The following SLC9A2 variants were observed in gnomAD, a reference collection of about 807,000 sequenced individuals.
SLC9A2 encodes the protein sodium/hydrogen exchanger 2.
In SLC9A2, 42 loss-of-function variants were observed where a neutral mutation model predicts 71.7. The observed-to-expected ratio is 0.59, with a 90% CI of 0.46 to 0.76. The LOEUF (loss-of-function observed/expected upper bound fraction) is 0.76, where lower values mean the gene tolerates loss of function less well. Ranked by LOEUF, SLC9A2 falls within the 30% of genes least tolerant of loss-of-function variation. SLC9A2 has a pLI of 0.00. For synonymous variants in SLC9A2, 396 were observed against 392.5 expected, an observed-to-expected ratio of 1.01 and a Z score of -0.10; for missense variants, 829 against 1,017.4, an observed-to-expected ratio of 0.81 and a Z score of 2.52.
At position 102,710,633 on chromosome 2, in the gene SLC9A2, C is replaced by T. The variant is rs1573440685; in HGVS notation, c.*2144C>T. The T allele has an allele frequency of 6.8e-6, 1 of 147,098 alleles. No homozygotes were observed. The highest frequency in any genetic ancestry group is 1.5e-5 in the Non-Finnish European group (1 of 67,914). 9.1% of individuals were successfully genotyped at this position (147,098 alleles called of 1,614,324 possible). A position where few individuals can be genotyped will look rare whatever the true frequency, so the allele number is the denominator to read the frequency against. ...TAAATTTTTTTTGTTTGTTGAATGA[C>T]AAAGGCAATAAAAATAAATTTGACT... On this transcript the variant is annotated 3_prime_UTR_variant, in exon 12 of 12. Coordinates refer to ENST00000233969, the MANE Select transcript of SLC9A2 (RefSeq NM_003048.6).
rs763991141 is a variant in SLC9A2, at chr2:102,708,289, C to A, written c.2239C>A (p.Pro747Thr). 5 of 1,614,022 alleles carry A rather than the reference C, an allele frequency of 3.1e-6. No individual in the cohort carries two copies. Among genetic ancestry groups the A allele is most frequent in the African/African-American group, 1.3e-5 (1 of 74,896 alleles). The change falls in exon 12 of 12, where the codon CCC becomes ACC. Residue 747 changes from proline (P) to threonine (T), a missense_variant. This residue lies in a region of SLC9A2 where 223 missense variants were observed against 197.5 expected (regional missense o/e 1.13). Coordinates refer to ENST00000233969, the MANE Select transcript of SLC9A2 (RefSeq NM_003048.6). ...VDSGRDMPST[P>T]PTPHSREKGT... The stretch of plus-strand genomic sequence containing the variant: ...TTCTGGCCGAGATATGCCCAGCACC[C>A]CCCCAACACCCCACAGCAGAGAAAA...
rs149530548 is a variant in SLC9A2 at position 102,684,330 on chromosome 2, C to G, written c.1419C>G (p.Phe473Leu). 3 of 1,613,430 alleles carry G rather than the reference C, an allele frequency of 1.9e-6. No individual in the cohort carries two copies. Among genetic ancestry groups the G allele is most frequent in the Non-Finnish European group, 2.5e-6 (3 of 1,179,476 alleles). Residue 473 changes from phenylalanine (F) to leucine (L), a missense_variant, in exon 5 of 12, where the codon TTC becomes TTG. This residue lies in a region of SLC9A2 where 500 missense variants were observed against 726.3 expected (regional missense o/e 0.69). Coordinates refer to ENST00000233969, the MANE Select transcript of SLC9A2 (RefSeq NM_003048.6). ...TTGTTGTCATATTCTTTACTGTCTTCATTCTGGTAAGTAGAGTGATCCCTT... is the reference window on the plus strand; with the variant it reads ...TTGTTGTCATATTCTTTACTGTCTTGATTCTGGTAAGTAGAGTGATCCCTT... ...AAIVVIFFTV[F>L]ILGITIRPLV... is the part of the protein sequence containing the mutation.
intron 5 of SLC9A2, 108 bp downstream of exon 5, chr2:102,684,444 A>C: frequency 2.0e-6 from 2 of 980,116 alleles, no homozygotes; most frequent in Non-Finnish European, 3.2e-6. Flanking sequence ...TTTGGTAGTT[A>C]ATTACTAGGG....
At position 102,708,424 on chromosome 2, in the gene SLC9A2, C is replaced by A. The variant is rs774494897; in HGVS notation, c.2374C>A (p.Arg792=). The change falls in exon 12 of 12, where the codon CGG becomes AGG. Residue 792 remains arginine (R), a synonymous_variant. Transcript: ENST00000233969. ...AGGCATCCCGCCCAAGCCGCCACCA[C>A]GGCTGGTCTGGAGGGCATCGGAACC... is the stretch of plus-strand genomic sequence containing the variant. The part of the protein sequence containing the change: ...TEGIPPKPPP[R]LVWRASEPGS... 1.5e-5 allele frequency: 24 copies of A among 1,614,214 alleles called. No homozygotes were observed. Among genetic ancestry groups the A allele is most frequent in the Non-Finnish European group, 2.0e-5 (24 of 1,180,036 alleles).
intron 2 of SLC9A2, among the ~76,000 whole-genome samples, chr2:102,658,500 A>G (rs1676989718): frequency 6.6e-6 from 1 of 151,786 alleles, no homozygotes; most frequent in African/African-American, 2.4e-5. Flanking sequence ...AATACCTGCT[A>G]AGTGCCATTC....
At chr2:102,695,579 T>C (rs1677740331) in intron 7 of SLC9A2, among the ~76,000 whole-genome samples, 1 of 151,664 alleles carries the variant, frequency 6.6e-6, no homozygotes, top group Non-Finnish European at 1.5e-5. Flanking sequence ...CTTCTGATCA[T>C]TGGCTTGGAC....
At chr2:102,697,903 G>A (rs1276998027) in intron 7 of SLC9A2, among the ~76,000 whole-genome samples, 1 of 151,838 alleles carries the variant, frequency 6.6e-6, no homozygotes, top group Non-Finnish European at 1.5e-5. Flanking sequence ...AGAATGAAAC[G>A]AAGGGTGATA....
At chr2:102,707,391 A>G (rs1024444673) in intron 11 of SLC9A2, among the ~76,000 whole-genome samples, 5 of 150,624 alleles carry the variant, frequency 3.3e-5, no homozygotes, top group African/African-American at 1.2e-4. Flanking sequence ...AGGTGAGAAT[A>G]ATAGGGGGAA....
intron 3 of SLC9A2, among the ~76,000 whole-genome samples, chr2:102,676,034 C>T (rs1677340270): frequency 6.6e-6 from 1 of 152,212 alleles, no homozygotes; most frequent in Non-Finnish European, 1.5e-5. Context: ...GGTCCACAGA[C>T]CATACTGCTC....
chr2:102,693,162 G>A (rs1237794773), intron 5 of SLC9A2, among the ~76,000 whole-genome samples: 1 of 151,486 alleles, frequency 6.6e-6, no homozygotes, highest in Non-Finnish European at 1.5e-5. Context: ...GATGGATTGG[G>A]CATTTTGAAT....
chr2:102,704,431 T>G, intron 9 of SLC9A2, 113 bp from the exon 10 acceptor site: 1 of 907,802 alleles, frequency 1.1e-6, no homozygotes, highest in South Asian at 1.6e-5. Flanking sequence ...AAGTTATAAG[T>G]GCTTAGCTGA....
At chr2:102,629,374 T>C (rs1052369677) in intron 1 of SLC9A2, among the ~76,000 whole-genome samples, 1 of 152,108 alleles carries the variant, frequency 6.6e-6, no homozygotes, top group Non-Finnish European at 1.5e-5. Flanking sequence ...TTTGCGCATG[T>C]ACTTTTTTTC....
Position 102,709,804 on chromosome 2 carries a change from T to A in SLC9A2, c.*1315T>A, listed in dbSNP as rs990236334. 2.0e-5 allele frequency: 3 copies of A among 152,594 alleles called. No individual in the cohort carries two copies. Among genetic ancestry groups the A allele is most frequent in the African/African-American group, 7.2e-5 (3 of 41,438 alleles). 9.5% of individuals were successfully genotyped at this position (152,594 alleles called of 1,614,324 possible). A position where few individuals can be genotyped will look rare whatever the true frequency, so the allele number is the denominator to read the frequency against. ...ACTGTAGATTTTATTGGCCTGTTTT[T>A]TTTTTCTAAATAATTCTTTAAAACT... is the stretch of plus-strand genomic sequence containing the variant. On this transcript the variant is annotated 3_prime_UTR_variant, in exon 12 of 12. Coordinates refer to ENST00000233969, the MANE Select transcript of SLC9A2 (RefSeq NM_003048.6).
chr2:102,654,516 T>G (rs1426591282), intron 1 of SLC9A2, among the ~76,000 whole-genome samples: 1 of 152,202 alleles, frequency 6.6e-6, no homozygotes, highest in Middle Eastern at 3.2e-3. Flanking sequence ...TTTAAACCTT[T>G]TCAAATTTTT....
At chr2:102,693,915 A>G (rs980060814) in intron 5 of SLC9A2, among the ~76,000 whole-genome samples, 2 of 152,176 alleles carry the variant, frequency 1.3e-5, no homozygotes, top group Non-Finnish European at 2.9e-5. Context: ...TAAGTTTTCT[A>G]TGGATAATAC....
intron 1 of SLC9A2, among the ~76,000 whole-genome samples, chr2:102,649,137 T>C (rs1273818468): frequency 6.6e-6 from 1 of 152,124 alleles, no homozygotes; most frequent in Non-Finnish European, 1.5e-5. Flanking sequence ...TATAAACCAA[T>C]GGAACAGAAC....
Position 102,665,329 on chromosome 2 carries a change from T to G in SLC9A2, c.983T>G (p.Phe328Cys). 6.2e-7 allele frequency: 1 copy of G among 1,613,362 alleles called. No homozygotes were observed. Reference sequence around the variant, plus strand: ...TTGTCCTACATCACAGCTGAAATGTTTCACCTCTCAGGCATCATGGCGTAA... The same window carrying G: ...TTGTCCTACATCACAGCTGAAATGTGTCACCTCTCAGGCATCATGGCGTAA... ...SYLSYITAEM[F>C]HLSGIMAITA... The change falls in exon 3 of 12, where the codon TTT becomes TGT. Residue 328 changes from phenylalanine to cysteine, a missense_variant. Physicochemically the swap from Phe to Cys is radical, Grantham distance 205. Transcript: ENST00000233969.
At chr2:102,695,755 C>G (rs963374365) in intron 7 of SLC9A2, among the ~76,000 whole-genome samples, 6 of 96,794 alleles carry the variant, frequency 6.2e-5, no homozygotes, top group African/African-American at 2.1e-4. Flanking sequence ...GCAGAAATAA[C>G]GTGTATATAT....
chr2:102,665,043 A>G, intron 2 of SLC9A2, 57 bp from the exon 3 acceptor site: 1 of 1,558,984 alleles, frequency 6.4e-7, no homozygotes, highest in Non-Finnish European at 8.7e-7. Flanking sequence ...TTGTGCCCAG[A>G]GTGACAATGG....
Sources: allele counts gnomAD v4.1 joint callset (sites outside exome capture counted in the v4.1 genomes callset), GRCh38; gene constraint gnomAD v4.1.1; regional missense constraint gnomAD v4.1.1; transcripts MANE v1.5; gene names NCBI Gene and HGNC (gene_info 2026-07-23, HGNC 2026-07-21).